The following PDS5B variants were observed in gnomAD, a reference collection of about 807,000 sequenced individuals.
PDS5B encodes PDS5 cohesin associated factor B.
Under a neutral mutation model 184.1 loss-of-function variants are expected in PDS5B, and 51 were observed. That is an observed-to-expected ratio of 0.28 (90% CI 0.22 to 0.35). PDS5B has a LOEUF of 0.35. PDS5B is among the 10% of genes least tolerant of loss of function. PDS5B has a pLI of 1.00. For missense variants in PDS5B, 1,180 were observed against 1,723.3 expected (o/e 0.68, Z 5.58); for synonymous variants, 566 against 569.2 (o/e 0.99, Z 0.08).
At chr13:32,639,485 T>C (rs1186357643) in intron 1 of PDS5B, among the ~76,000 whole-genome samples, 1 of 152,106 alleles carries the variant, frequency 6.6e-6, no homozygotes, top group Non-Finnish European at 1.5e-5. Flanking sequence ...AGTCAAAAAA[T>C]TGTATGTTGA....
At chr13:32,611,591 T>C (rs1043578484) in intron 1 of PDS5B, among the ~76,000 whole-genome samples, 1 of 147,588 alleles carries the variant, frequency 6.8e-6, no homozygotes, top group Non-Finnish European at 1.5e-5. Flanking sequence ...CACTGCAGCC[T>C]CTGCCTCCTG....
intron 32 of PDS5B, 35 bp downstream of exon 32, chr13:32,770,595 G>A (rs771309239): frequency 8.1e-6 from 13 of 1,600,024 alleles, no homozygotes; most frequent in Middle Eastern, 1.7e-4. Flanking sequence ...CATCTGTTTC[G>A]TTACTATATT....
chr13:32,699,119 C>T (rs184967939), intron 15 of PDS5B, among the ~76,000 whole-genome samples: 89 of 152,276 alleles, frequency 5.8e-4, no homozygotes, highest in Middle Eastern at 3.4e-3. Context: ...CCACAGTCAA[C>T]GTTTTATTAG....
intron 33 of PDS5B, among the ~76,000 whole-genome samples, chr13:32,771,758 C>G (rs768507187): frequency 6.6e-6 from 1 of 151,932 alleles, no homozygotes; most frequent in Non-Finnish European, 1.5e-5. Context: ...TATTTCTAAA[C>G]AAAGGATTCT....
Position 32,643,318 on chromosome 13 carries a change from C to G in PDS5B, c.-19-5436C>G, listed in dbSNP as rs118154119. 5.6e-3 allele frequency among the ~76,000 whole-genome samples: 857 copies of G among 152,224 alleles called. 3 individuals carry two copies. The highest frequency in any genetic ancestry group is 0.024 in the Middle Eastern group (7 of 294). On this transcript the variant is annotated intron_variant, in intron 1 of 34. Coordinates refer to ENST00000315596, the MANE Select transcript of PDS5B (RefSeq NM_015032.4). ...GTGTTTTTCCTAACCTGAAGTCATGCAGCTATTCTCTTTTATCATATTCTA... is the reference window on the plus strand; with the variant it reads ...GTGTTTTTCCTAACCTGAAGTCATGGAGCTATTCTCTTTTATCATATTCTA...
intron 10 of PDS5B, among the ~76,000 whole-genome samples, chr13:32,683,063 AGTACAG>A (rs1951289978): frequency 6.6e-6 from 1 of 151,746 alleles, no homozygotes. Flanking sequence ...CCCAGACTGG[AGTACAG>A]TGGCACGATC....
chr13:32,699,037 A>G lies in PDS5B; in HGVS notation c.1601-693A>G, dbSNP rs143151979. The stretch of plus-strand genomic sequence containing the variant: ...CAAAGTGCCAAAGTTCCATTTTACA[A>G]TTTCTGTTATTGGAGATGCTATATT... On this transcript the variant is annotated intron_variant, in intron 15 of 34. Transcript: ENST00000315596. Among the ~76,000 whole-genome samples, 397 of 152,104 alleles carry G rather than the reference A, an allele frequency of 2.6e-3. 1 individual carries two copies. Among genetic ancestry groups the G allele is most frequent in the African/African-American group, 8.7e-3 (361 of 41,518 alleles).
chr13:32,590,365 T>G (rs540467516), intron 1 of PDS5B, among the ~76,000 whole-genome samples: 9 of 152,298 alleles, frequency 5.9e-5, no homozygotes, highest in African/African-American at 2.2e-4. Flanking sequence ...TAAACAGGAC[T>G]GAAGACACCC....
chr13:32,679,080 ATT>A (rs1193182357), intron 10 of PDS5B, 151 bp downstream of exon 10: 2,416 of 356,222 alleles, frequency 6.8e-3, no homozygotes, highest in East Asian at 0.013. Flanking sequence ...CTGAAGCTAG[ATT>A]TTTTTTTTTT....
intron 1 of PDS5B, among the ~76,000 whole-genome samples, chr13:32,596,055 A>G (rs1327322915): frequency 1.3e-5 from 2 of 152,260 alleles, no homozygotes; most frequent in African/African-American, 2.4e-5. Flanking sequence ...ATTTAGAAAT[A>G]TAAAATTTTA....
chr13:32,634,520 G>A (rs117157181), intron 1 of PDS5B, among the ~76,000 whole-genome samples: 1,740 of 151,570 alleles, frequency 0.011, 15 homozygotes, highest in Middle Eastern at 0.017. Flanking sequence ...GTGGATATAG[G>A]TTTTCTCTTG....
At chr13:32,746,138 C>T (rs759327887) in intron 24 of PDS5B, 38 bp downstream of exon 24, 4 of 1,571,082 alleles carry the variant, frequency 2.5e-6, no homozygotes, top group Non-Finnish European at 3.5e-6. Flanking sequence ...TTTTGAAGGT[C>T]TTTGACTTTT....
At chr13:32,659,034 A>G in intron 5 of PDS5B, 120 bp from the exon 6 acceptor site, 1 of 549,530 alleles carries the variant, frequency 1.8e-6, no homozygotes, top group Non-Finnish European at 2.9e-6. Flanking sequence ...GAATATACAT[A>G]GAATTTTATT....
At chr13:32,749,993 G>A (rs1002640921) in intron 24 of PDS5B, among the ~76,000 whole-genome samples, 20 of 152,038 alleles carry the variant, frequency 1.3e-4, no homozygotes, top group Non-Finnish European at 2.4e-4. Context: ...CAGTCAAAAG[G>A]ATAATCATCT....
intron 1 of PDS5B, among the ~76,000 whole-genome samples, chr13:32,633,649 T>G (rs1047923731): frequency 1.1e-4 from 16 of 152,262 alleles, no homozygotes; most frequent in Admixed American, 5.9e-4. Context: ...TAGGGAAATT[T>G]ATTGAGAAAC....
chr13:32,696,747 T>C (rs1593450133), intron 14 of PDS5B, 107 bp from the exon 15 acceptor site: 1 of 734,488 alleles, frequency 1.4e-6, no homozygotes, highest in East Asian at 2.6e-5. Context: ...GGTAAGAGCA[T>C]GGGTCTGCAG....
At chr13:32,655,372 A>AT (rs1166180181) in intron 3 of PDS5B, among the ~76,000 whole-genome samples, 3 of 52,282 alleles carry the variant, frequency 5.7e-5, no homozygotes, top group Non-Finnish European at 9.4e-5. Flanking sequence ...ATATATATAT[A>AT]TATTTTTTTT....
chr13:32,764,509 A>G lies in PDS5B; in HGVS notation c.3539A>G (p.Asp1180Gly). The change falls in exon 31 of 35, where the codon GAT (aspartate) becomes GGT (glycine). Residue 1180 changes from aspartate to glycine, a missense_variant. Asp to Gly is a moderately conservative substitution (Grantham distance 94). Coordinates refer to ENST00000315596, the MANE Select transcript of PDS5B (RefSeq NM_015032.4). ...AAAAGGCTTGATAGTTCTGAAATGGATCACAGTGAAAATGAAGATTACACA... is the reference window on the plus strand; with the variant it reads ...AAAAGGCTTGATAGTTCTGAAATGGGTCACAGTGAAAATGAAGATTACACA... ...IKGRLDSSEM[D>G]HSENEDYTMS... 6.3e-7 allele frequency: 1 copy of G among 1,599,706 alleles called. No homozygotes were observed. The highest frequency in any genetic ancestry group is 1.1e-5 in the South Asian group (1 of 88,448).
At chr13:32,656,585 C>CT (rs1172497001) in intron 3 of PDS5B, among the ~76,000 whole-genome samples, 10 of 128,892 alleles carry the variant, frequency 7.8e-5, no homozygotes, top group Non-Finnish European at 1.7e-4. Flanking sequence ...GTATTTTATT[C>CT]TTTTTGTGGC....
Sources: gnomAD v4.1 joint callset for allele counts (sites outside exome capture counted in the v4.1 genomes callset) on GRCh38, gnomAD v4.1.1 for gene constraint, MANE v1.5 for transcripts, NCBI Gene and HGNC (gene_info 2026-07-23, HGNC 2026-07-21) for gene names.